MYLK: variants seen among roughly 807,000 people sequenced by gnomAD.
MYLK encodes the protein myosin light chain kinase.
In MYLK, 106 loss-of-function variants were observed where a neutral mutation model predicts 203.4. That is an observed-to-expected ratio of 0.52 (90% CI 0.45 to 0.61). MYLK has a LOEUF of 0.61. MYLK is among the 20% of genes least tolerant of loss of function. The pLI is 0.00. For missense variants in MYLK, 2,072 were observed against 2,442.3 expected (o/e 0.85, Z 3.20); for synonymous variants, 867 against 959.5 (o/e 0.90, Z 1.78).
chr3:123,795,991 CTCATTTGTAATAGGGCACA>C (rs1049093542), intron 3 of MYLK, among the ~76,000 whole-genome samples: 8 of 152,130 alleles, frequency 5.3e-5, no homozygotes, highest in African/African-American at 1.9e-4. Context: ...AGGGACTAGG[CTCATTTGTAATAGGGCACA>C]TCCCCTGCTT....
chr3:123,847,188 C>T (rs2030124427), intron 2 of MYLK, among the ~76,000 whole-genome samples: 1 of 152,090 alleles, frequency 6.6e-6, no homozygotes, highest in African/African-American at 2.4e-5. Context: ...AGATGATTTA[C>T]AGTATACAGC....
At chr3:123,812,126 T>C (rs562095055) in intron 3 of MYLK, among the ~76,000 whole-genome samples, 3 of 152,300 alleles carry the variant, frequency 2.0e-5, no homozygotes, top group Non-Finnish European at 4.4e-5. Flanking sequence ...TCAGGACGCC[T>C]ACACTGAAGA....
chr3:123,848,925 T>C (rs948283007), intron 2 of MYLK, among the ~76,000 whole-genome samples: 1 of 152,184 alleles, frequency 6.6e-6, no homozygotes, highest in Non-Finnish European at 1.5e-5. Context: ...CTTTTAAATA[T>C]AGCCAAATAA....
chr3:123,878,084 C>T (rs1469274440), intron 1 of MYLK, among the ~76,000 whole-genome samples: 1 of 152,202 alleles, frequency 6.6e-6, no homozygotes, highest in East Asian at 1.9e-4. Context: ...CCCAGATGTA[C>T]TGAGCACCTG....
intron 4 of MYLK, among the ~76,000 whole-genome samples, chr3:123,755,897 C>G (rs376638803): frequency 5.3e-5 from 8 of 152,286 alleles, no homozygotes; most frequent in African/African-American, 1.7e-4. Context: ...TACCCAGAAG[C>G]AGAACCTCAG....
chr3:123,699,086 T>A (rs2061058489), intron 18 of MYLK: 1 of 152,134 alleles, frequency 6.6e-6, no homozygotes, highest in East Asian at 1.9e-4. Flanking sequence ...GCCACCAGCA[T>A]CAGCTCAGGC....
chr3:123,851,273 T>A (rs1454871889), intron 2 of MYLK, among the ~76,000 whole-genome samples: 1 of 152,190 alleles, frequency 6.6e-6, no homozygotes, highest in African/African-American at 2.4e-5. Flanking sequence ...TTTTTCCAAT[T>A]CTGTGAAGAA....
At chr3:123,877,828 G>A (rs2033263024) in intron 1 of MYLK, among the ~76,000 whole-genome samples, 1 of 152,188 alleles carries the variant, frequency 6.6e-6, no homozygotes, top group African/African-American at 2.4e-5. Context: ...AATTTAACTT[G>A]GACAATGGGG....
intron 1 of MYLK, among the ~76,000 whole-genome samples, chr3:123,878,489 G>A (rs1385363490): frequency 1.3e-5 from 2 of 152,174 alleles, no homozygotes; most frequent in African/African-American, 4.8e-5. Context: ...ATAAAGGTAG[G>A]ACATTCACTC....
At position 123,752,228 on chromosome 3, in the gene MYLK, G is replaced by T. The variant is rs2063216792; in HGVS notation, c.373+103C>A. 12 of 1,242,692 alleles carry T rather than the reference G, an allele frequency of 9.7e-6. No individual in the cohort carries two copies. In the South Asian group the frequency reaches 1.3e-4, roughly 14 times the overall value. The allele number at this position is 1,242,692 out of a possible 1,614,324, so 77.0% of individuals were successfully genotyped here. On this transcript the variant is annotated intron_variant, in intron 5 of 33. Transcript: ENST00000360304. ...TCAAGGATGGGGTGTGTTTTCTCTT[G>T]TCAGTTCCTCCATCCTTCAAGAGAG...
intron 23 of MYLK, 126 bp downstream of exon 23, chr3:123,663,979 T>G: frequency 7.3e-7 from 1 of 1,377,350 alleles, no homozygotes. Flanking sequence ...TGTGGTGCCT[T>G]ATAAATCAGG....
chr3:123,803,337 CAG>C (rs1456339140), intron 3 of MYLK, among the ~76,000 whole-genome samples: 1 of 152,156 alleles, frequency 6.6e-6, no homozygotes, highest in African/African-American at 2.4e-5. Context: ...AAGTTTCTGT[CAG>C]AGGCTCAGAG....
intron 3 of MYLK, chr3:123,814,131 G>T: frequency 2.8e-6 from 1 of 362,268 alleles, no homozygotes. Context: ...TGACCCAGAA[G>T]GCTGCCACAG....
chr3:123,727,855 G>A (rs940766279), intron 11 of MYLK, among the ~76,000 whole-genome samples: 3 of 152,154 alleles, frequency 2.0e-5, no homozygotes, highest in Admixed American at 1.3e-4. Context: ...TTGTGAAGAT[G>A]GGAAGGGACA....
At chr3:123,805,934 ACT>A (rs969337768) in intron 3 of MYLK, among the ~76,000 whole-genome samples, 7 of 152,244 alleles carry the variant, frequency 4.6e-5, no homozygotes, top group Admixed American at 6.5e-5. Flanking sequence ...TGTAGCAAGC[ACT>A]CAAAAAATGG....
chr3:123,664,619 TGG>T (rs1362211375), intron 22 of MYLK, among the ~76,000 whole-genome samples: 1 of 152,192 alleles, frequency 6.6e-6, no homozygotes, highest in African/African-American at 2.4e-5. Flanking sequence ...TCCACTCCAG[TGG>T]GTTCTAGCCT....
intron 3 of MYLK, among the ~76,000 whole-genome samples, chr3:123,796,233 G>A (rs1411499551): frequency 1.3e-5 from 2 of 152,128 alleles, no homozygotes; most frequent in African/African-American, 2.4e-5. Context: ...ACAACACTAT[G>A]AGACAGATAA....
chr3:123,637,268 C>A (rs941451700), intron 29 of MYLK, among the ~76,000 whole-genome samples: 1 of 152,172 alleles, frequency 6.6e-6, no homozygotes, highest in African/African-American at 2.4e-5. Context: ...CAGACCCCAC[C>A]GACAGAGTGT....
intron 3 of MYLK, among the ~76,000 whole-genome samples, chr3:123,821,019 A>G (rs747893798): frequency 3.2e-4 from 48 of 152,204 alleles, no homozygotes; most frequent in Admixed American, 1.2e-3. Flanking sequence ...GTGAGCCACC[A>G]CGCCCGGCTG....
Sources: allele counts gnomAD v4.1 joint callset (sites outside exome capture counted in the v4.1 genomes callset), GRCh38; gene constraint gnomAD v4.1.1; transcripts MANE v1.5; gene names NCBI Gene and HGNC (gene_info 2026-07-23, HGNC 2026-07-21).